Variants in PATJ observed in about 807,000 individuals in gnomAD.
The protein encoded by PATJ is PATJ crumbs cell polarity complex component.
A neutral mutation model predicts 224.9 loss-of-function variants in PATJ; 190 were observed. That is an observed-to-expected ratio of 0.84 (90% CI 0.75 to 0.95). The LOEUF (loss-of-function observed/expected upper bound fraction) is 0.95, where lower values mean the gene tolerates loss of function less well. Among genes scored for constraint, PATJ ranks in the 40% least tolerant of loss-of-function variants. PATJ has a pLI of 0.00. For synonymous variants in PATJ, 769 were observed against 820.3 expected (o/e 0.94, Z 1.07); for missense variants, 2,121 against 2,270.3 (o/e 0.93, Z 1.34).
At chr1:62,012,371 A>G (rs527262685) in intron 28 of PATJ, among the ~76,000 whole-genome samples, 1 of 152,238 alleles carries the variant, frequency 6.6e-6, no homozygotes, top group Non-Finnish European at 1.5e-5. Flanking sequence ...TCTAAATGAG[A>G]TACTGTGCAT....
chr1:62,083,557 C>T (rs1294333341), intron 32 of PATJ, among the ~76,000 whole-genome samples: 2 of 152,182 alleles, frequency 1.3e-5, no homozygotes, highest in Non-Finnish European at 2.9e-5. Context: ...TTTGGAAAAA[C>T]CCAACCTAAA....
intron 33 of PATJ, among the ~76,000 whole-genome samples, chr1:62,095,696 T>C (rs568272829): frequency 1.3e-5 from 2 of 152,244 alleles, no homozygotes; most frequent in East Asian, 3.9e-4. Context: ...TTGTAAAGTA[T>C]CACCCGGGAA....
intron 33 of PATJ, among the ~76,000 whole-genome samples, chr1:62,088,624 G>A (rs1660332108): frequency 1.3e-5 from 2 of 151,942 alleles, no homozygotes; most frequent in Non-Finnish European, 2.9e-5. Flanking sequence ...ATAATACCTT[G>A]TAGACTTACT....
chr1:62,152,421 T>TAGAGG (rs1668720995), intron 42 of PATJ, among the ~76,000 whole-genome samples: 1 of 149,860 alleles, frequency 6.7e-6, no homozygotes, highest in Non-Finnish European at 1.5e-5. Context: ...TTGGGAGGCG[T>TAGAGG]CAGGTGGATC....
intron 27 of PATJ, among the ~76,000 whole-genome samples, chr1:61,947,571 A>G (rs1381228115): frequency 6.6e-6 from 1 of 152,200 alleles, no homozygotes; most frequent in African/African-American, 2.4e-5. Flanking sequence ...AAGACGATAC[A>G]AACAAATGGA....
chr1:61,803,226 T>C (rs1193440899), intron 12 of PATJ, among the ~76,000 whole-genome samples: 2 of 152,198 alleles, frequency 1.3e-5, no homozygotes, highest in Non-Finnish European at 2.9e-5. Flanking sequence ...TTATAAATGC[T>C]ACATGACCTT....
In PATJ at chr1:62,013,345, A is replaced by T. The variant is rs553538982; in HGVS notation, c.3868-4511A>T. 1.2e-5 allele frequency: 12 copies of T among 985,210 alleles called. No homozygotes were observed. The South Asian group carries it at 4.2e-4, about 35-fold the overall frequency. The allele number at this position is 985,210 out of a possible 1,614,324, so 61.0% of individuals were successfully genotyped here. On this transcript the variant is annotated intron_variant, in intron 28 of 43. Coordinates refer to ENST00000642238, the MANE Select transcript of PATJ (RefSeq NM_001350145.3). ...AACCATTTTTTTTTTAACCTTAGTC[A>T]CTTCGAAGGCTGGAGCCCATGTTAG...
chr1:62,039,759 C>T (rs116824468), intron 30 of PATJ, among the ~76,000 whole-genome samples: 2,679 of 152,190 alleles, frequency 0.018, 93 homozygotes, highest in African/African-American at 0.061. Context: ...GGAGCAGAAA[C>T]CTGGCACTTT....
chr1:61,924,627 G>T (rs1015048063), intron 26 of PATJ, among the ~76,000 whole-genome samples: 5 of 152,126 alleles, frequency 3.3e-5, no homozygotes, highest in South Asian at 4.1e-4. Context: ...GAAACTCTGG[G>T]AATATTACAT....
intron 27 of PATJ, chr1:61,952,450 G>A (rs375779897): frequency 2.0e-5 from 14 of 717,072 alleles, no homozygotes; most frequent in East Asian, 5.4e-5. Context: ...TGGTTCTTTC[G>A]GAATGCAATC....
intron 1 of PATJ, among the ~76,000 whole-genome samples, chr1:61,761,749 G>C (rs1645984664): frequency 6.6e-6 from 1 of 151,550 alleles, no homozygotes; most frequent in African/African-American, 2.4e-5. Context: ...GCAGTGGCAT[G>C]ATCATAGCTC....
intron 27 of PATJ, among the ~76,000 whole-genome samples, chr1:61,951,070 G>A (rs754417335): frequency 2.0e-5 from 3 of 152,006 alleles, no homozygotes; most frequent in Non-Finnish European, 2.9e-5. Context: ...TGCTTGAACC[G>A]GGGAGGTGGA....
chr1:62,156,913 C>CAAAAAAAAA (rs202034453), intron 43 of PATJ, among the ~76,000 whole-genome samples: 1 of 99,218 alleles, frequency 1.0e-5, no homozygotes. Context: ...AAGTCCCTGT[C>CAAAAAAAAA]AAAAAAAAAA....
At chr1:61,890,010 G>A (rs1159658704) in intron 22 of PATJ, among the ~76,000 whole-genome samples, 4 of 152,102 alleles carry the variant, frequency 2.6e-5, no homozygotes, top group Non-Finnish European at 5.9e-5. Flanking sequence ...AGACCTATGG[G>A]TGCCCCTAGG....
chr1:61,788,057 A>T (rs1648953807), intron 8 of PATJ, 85 bp downstream of exon 8: 2 of 1,095,948 alleles, frequency 1.8e-6, no homozygotes, highest in Non-Finnish European at 2.7e-6. Context: ...AACTTGAAGC[A>T]CCACATTGGT....
intron 31 of PATJ, among the ~76,000 whole-genome samples, chr1:62,078,424 A>G (rs2148722557): frequency 6.6e-6 from 1 of 152,216 alleles, no homozygotes; most frequent in East Asian, 1.9e-4. Flanking sequence ...CTGGGATTAC[A>G]GGCATGCATC....
chr1:61,849,542 G>C (rs376932181), intron 17 of PATJ, among the ~76,000 whole-genome samples: 1 of 152,180 alleles, frequency 6.6e-6, no homozygotes, highest in Non-Finnish European at 1.5e-5. Context: ...GCAGTGAGCC[G>C]TGATTGTGCC....
chr1:61,849,856 A>T (rs1662540874), intron 17 of PATJ, among the ~76,000 whole-genome samples: 1 of 152,242 alleles, frequency 6.6e-6, no homozygotes, highest in South Asian at 2.1e-4. Context: ...TTTTGAATGT[A>T]GTTAAGTCTT....
chr1:61,944,529 A>G (rs1455285777), intron 27 of PATJ, among the ~76,000 whole-genome samples: 2 of 152,220 alleles, frequency 1.3e-5, no homozygotes, highest in African/African-American at 2.4e-5. Flanking sequence ...TTAGAGAACA[A>G]AGAGTACAAA....
Sources: allele counts gnomAD v4.1 joint callset (sites outside exome capture counted in the v4.1 genomes callset), GRCh38; gene constraint gnomAD v4.1.1; transcripts MANE v1.5; gene names NCBI Gene and HGNC (gene_info 2026-07-23, HGNC 2026-07-21).